CORO1C: variants seen among roughly 807,000 people sequenced by gnomAD.
CORO1C encodes the protein coronin-1C.
In CORO1C, 14 loss-of-function variants were observed where a neutral mutation model predicts 51.2. The ratio of observed to expected loss-of-function variants is 0.27; its 90% confidence interval spans 0.18 to 0.43. The LOEUF (loss-of-function observed/expected upper bound fraction) is 0.43. CORO1C is among the 20% of genes least tolerant of loss of function. CORO1C has a pLI of 1.00. For synonymous variants in CORO1C, 181 were observed against 210.5 expected, an observed-to-expected ratio of 0.86 and a Z score of 1.21; for missense variants, 417 against 607.8, an observed-to-expected ratio of 0.69 and a Z score of 3.30.
chr12:108,648,749 G>A lies in CORO1C; in HGVS notation c.1161C>T (p.Leu387=). 1 of 1,614,174 alleles carries A rather than the reference G, an allele frequency of 6.2e-7. No homozygotes were observed. The highest frequency in any genetic ancestry group is 8.5e-7 in the Non-Finnish European group (1 of 1,180,034). ...WFEGKNADPI[L]ISLKHGYIPG... ...GAATGTACCCGTGCTTCAAGGAGAT[G>A]AGGATTGGGTCTGCATTCTTGCCTT... is the stretch of plus-strand genomic sequence containing the variant. The change falls in exon 10 of 11, where the codon CTC becomes CTT. Residue 387 remains leucine (L), a synonymous_variant. Coordinates refer to ENST00000261401, the MANE Select transcript of CORO1C (RefSeq NM_014325.4).
chr12:108,719,352 T>C (rs1031634082), intron 1 of CORO1C, among the ~76,000 whole-genome samples: 6 of 152,186 alleles, frequency 3.9e-5, no homozygotes, highest in African/African-American at 1.4e-4. Context: ...TACACACAAA[T>C]GCAATTACAA....
chr12:108,669,163 C>T (rs1482951688), intron 3 of CORO1C, among the ~76,000 whole-genome samples: 1 of 152,304 alleles, frequency 6.6e-6, no homozygotes, highest in African/African-American at 2.4e-5. Flanking sequence ...GTTCCCTCTC[C>T]TAAAACTGCA....
intron 8 of CORO1C, among the ~76,000 whole-genome samples, chr12:108,650,803 G>A (rs1308901447): frequency 6.6e-6 from 1 of 152,152 alleles, no homozygotes. Flanking sequence ...CAACAAATGT[G>A]TTTCAAAATA....
chr12:108,699,040 A>G (rs2034781835), intron 2 of CORO1C, among the ~76,000 whole-genome samples: 1 of 152,230 alleles, frequency 6.6e-6, no homozygotes, highest in African/African-American at 2.4e-5. Context: ...TTTAAGGAGC[A>G]AAGCTAGACA....
rs1288460562 is a variant in CORO1C, at chr12:108,648,751, G to A, written c.1159C>T (p.Leu387Phe). ...ATGTACCCGTGCTTCAAGGAGATGAGGATTGGGTCTGCATTCTTGCCTTCG... is the reference window on the plus strand; with the variant it reads ...ATGTACCCGTGCTTCAAGGAGATGAAGATTGGGTCTGCATTCTTGCCTTCG... ...WFEGKNADPI[L>F]ISLKHGYIPG... The change falls in exon 10 of 11, where the codon CTC becomes TTC. Residue 387 changes from leucine (L) to phenylalanine (F), a missense_variant. Physicochemically the swap from Leu to Phe is conservative, Grantham distance 22. Transcript: ENST00000261401. 1.2e-6 allele frequency: 2 copies of A among 1,614,180 alleles called. No individual in the cohort carries two copies. The highest frequency in any genetic ancestry group is 1.7e-6 in the Non-Finnish European group (2 of 1,180,036).
intron 2 of CORO1C, among the ~76,000 whole-genome samples, chr12:108,688,985 C>G (rs533351179): frequency 6.7e-6 from 1 of 148,302 alleles, no homozygotes; most frequent in East Asian, 2.0e-4. Context: ...GAGCTGAGAG[C>G]GTACCACTAC....
intron 3 of CORO1C, among the ~76,000 whole-genome samples, chr12:108,665,304 T>C (rs1373740768): frequency 2.0e-5 from 3 of 152,236 alleles, no homozygotes; most frequent in Non-Finnish European, 1.5e-5. Context: ...GTTCCTTCTT[T>C]ACCTCACCTC....
rs2032711801 is a variant in CORO1C at position 108,652,301 on chromosome 12, T to C, written c.972A>G (p.Gly324=). ...QRGMGYMPKR[G]LDVNKCEIAR... is the part of the protein sequence containing the mutation. ...CAATCTCACATTTGTTAACATCAAG[T>C]CCCCTCTTGGGCATGTAACCCATCC... Residue 324 remains glycine, a synonymous_variant, in exon 8 of 11, where the codon GGA becomes GGG. Transcript: ENST00000261401. 1 of 1,613,980 alleles carries C rather than the reference T, an allele frequency of 6.2e-7. No homozygotes were observed. Among genetic ancestry groups the C allele is most frequent in the South Asian group, 1.1e-5 (1 of 91,064 alleles).
At chr12:108,692,196 C>T (rs991406405) in intron 2 of CORO1C, among the ~76,000 whole-genome samples, 4 of 152,126 alleles carry the variant, frequency 2.6e-5, no homozygotes, top group Non-Finnish European at 4.4e-5. Flanking sequence ...CAGCTTTTCA[C>T]GGCCCATACA....
intron 2 of CORO1C, among the ~76,000 whole-genome samples, chr12:108,682,002 G>A (rs1383147285): frequency 6.6e-6 from 1 of 151,462 alleles, no homozygotes; most frequent in Non-Finnish European, 1.5e-5. Flanking sequence ...ATATCCAAAT[G>A]CAGAGTAAAT....
chr12:108,719,542 G>A (rs1039516990), intron 1 of CORO1C, among the ~76,000 whole-genome samples: 2 of 152,106 alleles, frequency 1.3e-5, no homozygotes, highest in Non-Finnish European at 2.9e-5. Flanking sequence ...CAAGTCAAAC[G>A]AATTCTCAAA....
Position 108,645,229 on chromosome 12 carries a change from T to G in CORO1C, c.*2174A>C. 1 of 144,388 alleles carries G rather than the reference T, an allele frequency of 6.9e-6. No homozygotes were observed. The highest frequency in any genetic ancestry group is 2.2e-4 in the East Asian group (1 of 4,466). 8.9% of individuals were successfully genotyped at this position (144,388 alleles called of 1,614,324 possible). Reference sequence around the variant, plus strand: ...CTGTCCTCTTCTGGGATGTCATGGCTTAAAAAAAAAAAAAAAAAAAGACAA... The same window carrying G: ...CTGTCCTCTTCTGGGATGTCATGGCGTAAAAAAAAAAAAAAAAAAAGACAA... On this transcript the variant is annotated 3_prime_UTR_variant, in exon 11 of 11. Transcript: ENST00000261401.
At chr12:108,678,429 A>G in intron 2 of CORO1C, 35 bp from the exon 3 acceptor site, 1 of 1,516,668 alleles carries the variant, frequency 6.6e-7, no homozygotes, top group Admixed American at 2.0e-5. Context: ...ATTATGTAAT[A>G]TCAACACCAC....
intron 3 of CORO1C, among the ~76,000 whole-genome samples, chr12:108,668,750 G>C (rs2033596407): frequency 6.6e-6 from 1 of 152,174 alleles, no homozygotes; most frequent in Non-Finnish European, 1.5e-5. Flanking sequence ...GTCCAAATTA[G>C]CCATTTTTTG....
At chr12:108,654,705 C>CTTT (rs1003628138) in intron 6 of CORO1C, among the ~76,000 whole-genome samples, 1 of 142,698 alleles carries the variant, frequency 7.0e-6, no homozygotes, top group African/African-American at 2.6e-5. Flanking sequence ...TTTTCTTTTT[C>CTTT]TTTTTTTTTT....
chr12:108,722,083 A>G (rs566448856), intron 1 of CORO1C, among the ~76,000 whole-genome samples: 29 of 152,284 alleles, frequency 1.9e-4, no homozygotes, highest in African/African-American at 6.3e-4. Flanking sequence ...CCTCTGCTCA[A>G]CTTTCCCCTT....
Position 108,662,163 on chromosome 12 carries a change from T to C in CORO1C, c.319-5A>G. 6.2e-7 allele frequency: 1 copy of C among 1,613,172 alleles called. No homozygotes were observed. Among genetic ancestry groups the C allele is most frequent in the Non-Finnish European group, 8.5e-7 (1 of 1,179,290 alleles). On this transcript the variant is annotated splice_region_variant and splice_polypyrimidine_tract_variant and intron_variant, in intron 3 of 10. Coordinates refer to ENST00000261401, the MANE Select transcript of CORO1C (RefSeq NM_014325.4). The stretch of plus-strand genomic sequence containing the variant: ...ATTTTCTGGGATCTGCCATACCTGT[T>C]GGACAAGGAAGAAAGATGATCCACA...
chr12:108,674,313 C>T (rs1379098973), intron 3 of CORO1C, among the ~76,000 whole-genome samples: 1 of 152,132 alleles, frequency 6.6e-6, no homozygotes, highest in Non-Finnish European at 1.5e-5. Context: ...CTTTGGGAGG[C>T]CAAGGCGGGC....
At chr12:108,664,664 A>G (rs1161472219) in intron 3 of CORO1C, among the ~76,000 whole-genome samples, 6 of 152,136 alleles carry the variant, frequency 3.9e-5, no homozygotes, top group Non-Finnish European at 5.9e-5. Flanking sequence ...AGAGACCTTG[A>G]CCCAGGCCTC....
Sources: allele counts gnomAD v4.1 joint callset (sites outside exome capture counted in the v4.1 genomes callset), GRCh38; gene constraint gnomAD v4.1.1; transcripts MANE v1.5; gene names NCBI Gene and HGNC (gene_info 2026-07-23, HGNC 2026-07-21).